CRYBB2: variants seen among roughly 807,000 people sequenced by gnomAD.
CRYBB2 encodes crystallin beta B2, also known as beta-crystallin B2.
In CRYBB2, 12 loss-of-function variants were observed where a neutral mutation model predicts 24.3. The observed-to-expected ratio is 0.49, with a 90% confidence interval of 0.32 to 0.80. The LOEUF (loss-of-function observed/expected upper bound fraction) is 0.80, where lower values mean the gene tolerates loss of function less well. Ranked by LOEUF, CRYBB2 falls within the 30% of genes least tolerant of loss-of-function variation. CRYBB2 has a pLI of 0.04. For missense variants in CRYBB2, 198 were observed against 268.5 expected (o/e 0.74, Z 1.83); for synonymous variants, 98 against 101.6 (o/e 0.96, Z 0.21).
chr22:25,228,150 A>G (rs1168983429), intron 4 of CRYBB2, among the ~76,000 whole-genome samples, 165 bp downstream of exon 4: 1 of 151,126 alleles, frequency 6.6e-6, no homozygotes, highest in Non-Finnish European at 1.5e-5. Flanking sequence ...ACCTTGCAAA[A>G]GTCATTTTAC....
At chr22:25,230,188 G>A (rs1382067331) in intron 5 of CRYBB2, among the ~76,000 whole-genome samples, 2 of 148,698 alleles carry the variant, frequency 1.3e-5, no homozygotes, top group African/African-American at 5.0e-5. Context: ...ACGGAGGCGC[G>A]CACTTTCGCC....
At chr22:25,218,808 AAGAAAG>A (rs1265796435), upstream of CRYBB2, among the ~76,000 whole-genome samples, 3 of 131,002 alleles carry the variant, frequency 2.3e-5, no homozygotes, top group Non-Finnish European at 3.2e-5. Flanking sequence ...GAAAGAAAGA[AAGAAAG>A]AAAGAAAGAA....
intron 3 of CRYBB2, among the ~76,000 whole-genome samples, chr22:25,227,400 C>G (rs143413725): frequency 0.041 from 6,269 of 152,048 alleles, 203 homozygotes; most frequent in South Asian, 0.11. Flanking sequence ...GACTGTGCAT[C>G]TCTCTTCCTA....
upstream of CRYBB2, among the ~76,000 whole-genome samples, chr22:25,218,147 T>TAG (rs1935206020): frequency 1.2e-4 from 18 of 151,528 alleles, no homozygotes; most frequent in South Asian, 3.7e-3. Context: ...TAGTCCCAGC[T>TAG]ACTAGGGAGG....
chr22:25,230,363 G>T (rs918155489), intron 5 of CRYBB2, among the ~76,000 whole-genome samples: 17 of 151,208 alleles, frequency 1.1e-4, no homozygotes, highest in African/African-American at 3.7e-4. Flanking sequence ...TCACTGTGTT[G>T]GCCAGGTTAG....
chr22:25,212,409 G>C (rs1380267786), upstream of CRYBB2, among the ~76,000 whole-genome samples: 2 of 152,246 alleles, frequency 1.3e-5, no homozygotes, highest in African/African-American at 2.4e-5. Flanking sequence ...ATCATGGAGA[G>C]AGAAACTGGA....
At chr22:25,227,133 C>A (rs1462239858) in intron 3 of CRYBB2, among the ~76,000 whole-genome samples, 6 of 152,250 alleles carry the variant, frequency 3.9e-5, no homozygotes, top group Non-Finnish European at 8.8e-5. Context: ...ATGTTCGCCT[C>A]TGCACTGGTT....
intron 1 of CRYBB2, among the ~76,000 whole-genome samples, chr22:25,220,074 C>T: frequency 6.6e-6 from 1 of 152,180 alleles, no homozygotes; most frequent in East Asian, 1.9e-4. Flanking sequence ...GGGGCACCCA[C>T]TCTGTGCCTA....
At chr22:25,221,531 T>G in intron 2 of CRYBB2, 48 bp downstream of exon 2, 1 of 1,431,792 alleles carries the variant, frequency 7.0e-7, no homozygotes, top group Non-Finnish European at 9.9e-7. Flanking sequence ...TCCCCCAGAC[T>G]TAGTTGCCCT....
chr22:25,221,975 G>C (rs539340051), intron 2 of CRYBB2, among the ~76,000 whole-genome samples: 1 of 152,332 alleles, frequency 6.6e-6, no homozygotes, highest in South Asian at 2.1e-4. Flanking sequence ...CCTAACACCC[G>C]GCCTGGGGTG....
At chr22:25,228,909 C>CGT (rs1000637683) in intron 4 of CRYBB2, among the ~76,000 whole-genome samples, 3 of 152,080 alleles carry the variant, frequency 2.0e-5, no homozygotes, top group African/African-American at 7.2e-5. Flanking sequence ...TTAGCCTGTG[C>CGT]GTGTGTGTGT....
intron 2 of CRYBB2, among the ~76,000 whole-genome samples, chr22:25,223,884 G>A (rs1370598938): frequency 2.0e-5 from 3 of 152,140 alleles, no homozygotes; most frequent in Non-Finnish European, 4.4e-5. Context: ...ACTTTGGGAG[G>A]CCGAGGCAGG....
In CRYBB2 at chr22:25,227,999, C is replaced by T; in HGVS notation, c.306+14C>T. On this transcript the variant is annotated intron_variant, in intron 4 of 5. Coordinates refer to ENST00000398215, the MANE Select transcript of CRYBB2 (RefSeq NM_000496.3). ...CCCATCAAAGTGGTGAGCCCCCTGC[C>T]ATCACCCTACTCCCTCTCTCTGCCC... is the stretch of plus-strand genomic sequence containing the variant. 1.9e-6 allele frequency: 3 copies of T among 1,614,078 alleles called. No individual in the cohort carries two copies. The highest frequency in any genetic ancestry group is 2.5e-6 in the Non-Finnish European group (3 of 1,180,000).
At position 25,231,862 on chromosome 22, in the gene CRYBB2, G is replaced by A. The variant is rs1023375912; in HGVS notation, c.*90G>A. ...CCAGAGAGTGAATAAAGTGTGACTT[G>A]CAACTTGTCTGCTGTGGGTCTTTGA... On this transcript the variant is annotated 3_prime_UTR_variant, in exon 6 of 6. Coordinates refer to ENST00000398215, the MANE Select transcript of CRYBB2 (RefSeq NM_000496.3). The A allele has an allele frequency of 1.7e-6, 2 of 1,211,052 alleles. No homozygotes were observed. The highest frequency in any genetic ancestry group is 3.0e-5 in the African/African-American group (2 of 66,468). 75.0% of individuals were successfully genotyped at this position (1,211,052 alleles called of 1,614,324 possible).
chr22:25,217,927 A>G (rs1321595535), upstream of CRYBB2, among the ~76,000 whole-genome samples: 2 of 152,142 alleles, frequency 1.3e-5, no homozygotes, highest in African/African-American at 4.8e-5. Flanking sequence ...TTGGATCAAG[A>G]CACAGCCTGG....
rs752445794 is a variant in CRYBB2, at chr22:25,227,938, A to G, written c.259A>G (p.Ser87Gly). Reference protein sequence around the residue: ...GEYPRWDSWTSSRRTDSLSSL... With the variant: ...GEYPRWDSWTGSRRTDSLSSL... Reference sequence around the variant, plus strand: ...GTACCCCCGCTGGGACTCATGGACCAGCAGCCGAAGGACGGACTCCCTCAG... The same window carrying G: ...GTACCCCCGCTGGGACTCATGGACCGGCAGCCGAAGGACGGACTCCCTCAG... Residue 87 changes from serine (S) to glycine (G), a missense_variant, in exon 4 of 6, where the codon AGC (serine) becomes GGC (glycine). By Grantham distance (56) the Ser-to-Gly change is moderately conservative (BLOSUM62 0). Coordinates refer to ENST00000398215, the MANE Select transcript of CRYBB2 (RefSeq NM_000496.3). 1.6e-5 allele frequency: 26 copies of G among 1,614,072 alleles called. No homozygotes were observed. The African/African-American group carries it at 3.1e-4, about 19-fold the overall frequency.
At chr22:25,218,208 G>T (rs543608833), upstream of CRYBB2, among the ~76,000 whole-genome samples, 2 of 151,234 alleles carry the variant, frequency 1.3e-5, no homozygotes, top group African/African-American at 2.4e-5. Context: ...GCAGTGAGCT[G>T]AGATCGTGCC....
intron 1 of CRYBB2, among the ~76,000 whole-genome samples, chr22:25,219,939 G>A (rs778745364): frequency 6.6e-6 from 1 of 152,100 alleles, no homozygotes; most frequent in Non-Finnish European, 1.5e-5. Flanking sequence ...CAGACTATCA[G>A]CATCCTTGTT....
upstream of CRYBB2, among the ~76,000 whole-genome samples, chr22:25,218,721 A>G (rs1246747734): frequency 1.7e-5 from 2 of 120,174 alleles, no homozygotes; most frequent in Admixed American, 8.7e-5. Flanking sequence ...AGAGAGAGAG[A>G]GAGAGAGAGA....
Sources: allele counts gnomAD v4.1 joint callset (sites outside exome capture counted in the v4.1 genomes callset), GRCh38; gene constraint gnomAD v4.1.1; transcripts MANE v1.5; gene names NCBI Gene and HGNC (gene_info 2026-07-23, HGNC 2026-07-21).